The following ARHGAP20 variants were observed in gnomAD, a reference collection of about 807,000 sequenced individuals.
ARHGAP20 encodes Rho GTPase activating protein 20, also known as rho GTPase-activating protein 20.
Under a neutral mutation model 73.7 loss-of-function variants are expected in ARHGAP20, and 34 were observed. The observed-to-expected ratio is 0.46, with a 90% CI of 0.35 to 0.61. ARHGAP20 has a LOEUF of 0.61. Ranked by LOEUF, ARHGAP20 falls within the 20% of genes least tolerant of loss-of-function variation. The pLI, the probability that ARHGAP20 is intolerant of heterozygous loss-of-function variation, is 0.00. For synonymous variants in ARHGAP20, 523 were observed against 518.2 expected (o/e 1.01, Z -0.13); for missense variants, 1,314 against 1,420.9 (o/e 0.92, Z 1.21).
chr11:110,648,174 T>TATATATATATATATGTAA (rs1157540708), intron 2 of ARHGAP20, among the ~76,000 whole-genome samples: 113 of 53,788 alleles, frequency 2.1e-3, no homozygotes, highest in Non-Finnish European at 4.0e-3. Flanking sequence ...TATATGTAAA[T>TATATATATATATATGTAA]ATATATATAT....
chr11:110,594,031 C>T (rs1207094844), intron 9 of ARHGAP20, among the ~76,000 whole-genome samples: 1 of 152,210 alleles, frequency 6.6e-6, no homozygotes, highest in Admixed American at 6.5e-5. Context: ...AGTCAGCAGT[C>T]TTGTCATTTC....
intron 2 of ARHGAP20, among the ~76,000 whole-genome samples, chr11:110,668,174 T>C (rs998997688): frequency 2.6e-5 from 4 of 152,226 alleles, no homozygotes; most frequent in East Asian, 1.9e-4. Context: ...TCAAATTTCA[T>C]TGTTGTCTTA....
intron 1 of ARHGAP20, among the ~76,000 whole-genome samples, chr11:110,708,185 A>T (rs1950583739): frequency 6.6e-6 from 1 of 152,182 alleles, no homozygotes; most frequent in Admixed American, 6.5e-5. Flanking sequence ...GAGGAAATGC[A>T]AATCAAAACC....
At chr11:110,592,885 A>G (rs561523918) in intron 9 of ARHGAP20, among the ~76,000 whole-genome samples, 1 of 152,202 alleles carries the variant, frequency 6.6e-6, no homozygotes, top group Non-Finnish European at 1.5e-5. Flanking sequence ...TGTTTAAGGA[A>G]GCATGGATGG....
intron 1 of ARHGAP20, among the ~76,000 whole-genome samples, chr11:110,705,608 A>C (rs1397046394): frequency 6.6e-6 from 1 of 152,200 alleles, no homozygotes; most frequent in Non-Finnish European, 1.5e-5. Context: ...TAGAGTCACA[A>C]AAATTAATTT....
At position 110,580,307 on chromosome 11, in the gene ARHGAP20, C is replaced by A. The variant is rs1947417319; in HGVS notation, c.2639G>T (p.Gly880Val). 6.2e-7 allele frequency: 1 copy of A among 1,614,094 alleles called. No homozygotes were observed. Among genetic ancestry groups the A allele is most frequent in the African/African-American group, 1.3e-5 (1 of 74,918 alleles). The change falls in exon 15 of 15, where the codon GGA (glycine) becomes GTA (valine). Residue 880 changes from glycine to valine, a missense_variant. By Grantham distance (109) the Gly-to-Val change is moderately radical. Around this residue, in one of 3 missense-constraint regions of ARHGAP20, gnomAD observed 641 missense variants for 636.9 expected, o/e 1.01. Coordinates refer to ENST00000683387, the MANE Select transcript of ARHGAP20 (RefSeq NM_001384657.1). ...KTSCEAGLLH[G>V]EEDYLKRHKS... ...ATGCCGTTTGAGATAATCCTCCTCT[C>A]CATGCAAGAGACCAGCTTCACAGCT...
chr11:110,631,912 C>A (rs1027127116), intron 2 of ARHGAP20, among the ~76,000 whole-genome samples: 1 of 152,148 alleles, frequency 6.6e-6, no homozygotes, highest in Non-Finnish European at 1.5e-5. Context: ...CCAAGAAAGA[C>A]TGCCTGTTCT....
At chr11:110,648,215 A>ATG (rs1949256293) in intron 2 of ARHGAP20, among the ~76,000 whole-genome samples, 1 of 61,942 alleles carries the variant, frequency 1.6e-5, no homozygotes, top group South Asian at 6.2e-4. Context: ...ATGTAAATAT[A>ATG]TATATGTATA....
At chr11:110,630,231 A>C (rs1948830989) in intron 3 of ARHGAP20, among the ~76,000 whole-genome samples, 2 of 151,916 alleles carry the variant, frequency 1.3e-5, no homozygotes, top group African/African-American at 4.8e-5. Flanking sequence ...CCCTGACTAC[A>C]CCTACCTAAC....
intron 2 of ARHGAP20, among the ~76,000 whole-genome samples, chr11:110,668,459 G>C (rs763792640): frequency 6.6e-6 from 1 of 152,016 alleles, no homozygotes; most frequent in Admixed American, 6.6e-5. Context: ...AACTAGGCTG[G>C]GCAACATGGC....
At chr11:110,671,025 T>C (rs79613027) in intron 2 of ARHGAP20, among the ~76,000 whole-genome samples, 1 of 152,170 alleles carries the variant, frequency 6.6e-6, no homozygotes, top group South Asian at 2.1e-4. Flanking sequence ...TAGTATGACC[T>C]CTAGTCGATA....
chr11:110,668,771 AC>A (rs1463653996), intron 2 of ARHGAP20, among the ~76,000 whole-genome samples: 1 of 152,232 alleles, frequency 6.6e-6, no homozygotes, highest in East Asian at 1.9e-4. Context: ...AATTCATGCA[AC>A]TCACTTTAAT....
intron 14 of ARHGAP20, 82 bp from the exon 15 acceptor site, chr11:110,581,307 C>G: frequency 7.4e-7 from 1 of 1,343,846 alleles, no homozygotes; most frequent in South Asian, 1.6e-5. Flanking sequence ...ATTCTCTTTT[C>G]ATGTGAAGTG....
chr11:110,661,628 G>C (rs924741693), intron 2 of ARHGAP20, among the ~76,000 whole-genome samples: 3 of 151,824 alleles, frequency 2.0e-5, no homozygotes, highest in African/African-American at 7.3e-5. Flanking sequence ...TGAATTTCCT[G>C]TTTTCATAGC....
intron 1 of ARHGAP20, among the ~76,000 whole-genome samples, chr11:110,692,485 CA>C (rs1310488279): frequency 9.2e-5 from 14 of 152,110 alleles, no homozygotes; most frequent in African/African-American, 3.1e-4. Context: ...TTGTCCCTCA[CA>C]CCCTCTGTCT....
chr11:110,627,758 T>C (rs2134946918), intron 3 of ARHGAP20, among the ~76,000 whole-genome samples: 1 of 152,328 alleles, frequency 6.6e-6, no homozygotes, highest in Non-Finnish European at 1.5e-5. Flanking sequence ...TTCTGTAAAT[T>C]CCATATGGGT....
At chr11:110,589,688 T>C (rs1212094747) in intron 11 of ARHGAP20, 17 of 985,250 alleles carry the variant, frequency 1.7e-5, no homozygotes, top group Non-Finnish European at 1.9e-5. Flanking sequence ...CAGAAAACAT[T>C]TTAGAACTCT....
chr11:110,596,164 C>T lies in ARHGAP20; in HGVS notation c.965-4009G>A, dbSNP rs879087035. On this transcript the variant is annotated intron_variant, in intron 9 of 14. Coordinates refer to ENST00000683387, the MANE Select transcript of ARHGAP20 (RefSeq NM_001384657.1). ...TAATTCAAGATGGATTAAAGACTTA[C>T]ATGTTAGACCTAAAACCATAAAAAC... 2.6e-5 allele frequency among the ~76,000 whole-genome samples: 4 copies of T among 151,964 alleles called. No homozygotes were observed. The South Asian group carries it at 8.3e-4, about 32-fold the overall frequency.
In ARHGAP20 at chr11:110,668,704, C is replaced by T. The variant is rs532087310; in HGVS notation, c.188+21843G>A. Among the ~76,000 whole-genome samples, 9 of 152,160 alleles carry T rather than the reference C, an allele frequency of 5.9e-5. No individual in the cohort carries two copies. The South Asian group carries it at 6.2e-4, about 11-fold the overall frequency. ...GAAAATATATAATGCCATTGGCACA[C>T]TTAATAGACTACAATATAATTTATA... On this transcript the variant is annotated intron_variant, in intron 2 of 14. Transcript: ENST00000683387.
Sources: allele counts gnomAD v4.1 joint callset (sites outside exome capture counted in the v4.1 genomes callset), GRCh38; gene constraint gnomAD v4.1.1; regional missense constraint gnomAD v4.1.1; transcripts MANE v1.5; gene names NCBI Gene and HGNC (gene_info 2026-07-23, HGNC 2026-07-21).